The following SGCZ variants were observed in gnomAD, a reference collection of about 807,000 sequenced individuals.
SGCZ encodes the protein zeta-sarcoglycan.
A neutral mutation model predicts 41.3 loss-of-function variants in SGCZ; 40 were observed. The ratio of observed to expected loss-of-function variants is 0.97; its 90% confidence interval spans 0.75 to 1.26. SGCZ has a LOEUF of 1.26. Among genes scored for constraint, SGCZ ranks in the 50% most tolerant of loss-of-function variants. SGCZ has a pLI of 0.00. For missense variants in SGCZ, 552 were observed against 369.8 expected (o/e 1.49, Z -4.04); for synonymous variants, 206 against 137.5 (o/e 1.50, Z -3.49).
chr8:14,681,528 C>G (rs2117541916), intron 1 of SGCZ, among the ~76,000 whole-genome samples: 1 of 152,224 alleles, frequency 6.6e-6, no homozygotes, highest in South Asian at 2.1e-4. Flanking sequence ...GTTACCTTGC[C>G]TGGATCATGT....
chr8:14,572,079 AAGCACTTATT>A (rs1427206274), intron 1 of SGCZ, among the ~76,000 whole-genome samples: 1 of 152,232 alleles, frequency 6.6e-6, no homozygotes, highest in Non-Finnish European at 1.5e-5. Context: ...ATGAATTTAA[AAGCACTTATT>A]CATTAAATTG....
intron 5 of SGCZ, among the ~76,000 whole-genome samples, chr8:14,133,289 C>T (rs1234198302): frequency 6.6e-6 from 1 of 152,210 alleles, no homozygotes; most frequent in Non-Finnish European, 1.5e-5. Flanking sequence ...GCTCCTGATC[C>T]ATTAATGCAT....
At chr8:14,569,751 A>T (rs1340877682) in intron 1 of SGCZ, among the ~76,000 whole-genome samples, 2 of 152,150 alleles carry the variant, frequency 1.3e-5, no homozygotes, top group Non-Finnish European at 2.9e-5. Context: ...TTGAAAACTG[A>T]AGTTTTGAGT....
At chr8:14,258,940 G>C (rs1458575371) in intron 3 of SGCZ, among the ~76,000 whole-genome samples, 2 of 152,266 alleles carry the variant, frequency 1.3e-5, no homozygotes, top group South Asian at 2.1e-4. Flanking sequence ...GGCAAAGGCA[G>C]AGAGCAGGTT....
chr8:15,127,708 T>C (rs1017906478), intron 1 of SGCZ, among the ~76,000 whole-genome samples: 4 of 152,332 alleles, frequency 2.6e-5, no homozygotes, highest in African/African-American at 9.6e-5. Context: ...AATTCATTTA[T>C]AAAAGTCTCC....
At chr8:14,790,685 A>T (rs1288346396) in intron 1 of SGCZ, among the ~76,000 whole-genome samples, 1 of 152,196 alleles carries the variant, frequency 6.6e-6, no homozygotes, top group African/African-American at 2.4e-5. Flanking sequence ...AGAATAATTG[A>T]AAACAAAGAT....
At chr8:14,969,450 G>A (rs769319725) in intron 1 of SGCZ, among the ~76,000 whole-genome samples, 41 of 151,908 alleles carry the variant, frequency 2.7e-4, no homozygotes, top group African/African-American at 2.4e-4. Context: ...AACTACAGCC[G>A]TATCACCACA....
intron 1 of SGCZ, among the ~76,000 whole-genome samples, chr8:14,614,373 C>T (rs1437928574): frequency 6.6e-6 from 1 of 152,072 alleles, no homozygotes; most frequent in Non-Finnish European, 1.5e-5. Flanking sequence ...ACATCTCACC[C>T]TCCCAATACA....
chr8:14,244,069 C>A (rs769719520), intron 3 of SGCZ, among the ~76,000 whole-genome samples: 1 of 152,124 alleles, frequency 6.6e-6, no homozygotes, highest in Non-Finnish European at 1.5e-5. Context: ...AAGATCCAGG[C>A]TACATGGGTT....
At chr8:14,867,044 T>G (rs114161079) in intron 1 of SGCZ, among the ~76,000 whole-genome samples, 3,606 of 152,170 alleles carry the variant, frequency 0.024, 52 homozygotes, top group Middle Eastern at 0.048. Flanking sequence ...ACCAAGGTGT[T>G]TTTTGTTCTC....
At chr8:14,418,182 T>A (rs1251147187) in intron 2 of SGCZ, among the ~76,000 whole-genome samples, 1 of 151,938 alleles carries the variant, frequency 6.6e-6, no homozygotes, top group African/African-American at 2.4e-5. Flanking sequence ...GAAAAGCAGT[T>A]CAACGGGATG....
intron 1 of SGCZ, among the ~76,000 whole-genome samples, chr8:14,750,907 G>A (rs532598529): frequency 6.6e-6 from 1 of 152,122 alleles, no homozygotes; most frequent in African/African-American, 2.4e-5. Context: ...AAAACAGATT[G>A]TGACTAATTG....
intron 1 of SGCZ, among the ~76,000 whole-genome samples, chr8:14,611,900 T>G (rs188160987): frequency 6.6e-6 from 1 of 152,314 alleles, no homozygotes; most frequent in Admixed American, 6.5e-5. Context: ...TTGCAGTACA[T>G]ATGCTATTTG....
At chr8:14,949,303 T>A (rs916782835) in intron 1 of SGCZ, among the ~76,000 whole-genome samples, 1 of 152,120 alleles carries the variant, frequency 6.6e-6, no homozygotes, top group Non-Finnish European at 1.5e-5. Context: ...TAGGGAAAAG[T>A]AGTAATTAGA....
chr8:14,849,251 T>G (rs1216487436), intron 1 of SGCZ, among the ~76,000 whole-genome samples: 1 of 152,108 alleles, frequency 6.6e-6, no homozygotes, highest in Admixed American at 6.6e-5. Context: ...AAATCTTTTT[T>G]AAAAAGAATT....
Position 14,163,888 on chromosome 8 carries a change from C to A in SGCZ, c.547+692G>T, listed in dbSNP as rs532902151. Among the ~76,000 whole-genome samples the A allele has an allele frequency of 6.4e-4, 97 of 152,168 alleles. 1 individual carries two copies. The highest frequency in any genetic ancestry group is 2.2e-3 in the African/African-American group (90 of 41,540). On this transcript the variant is annotated intron_variant, in intron 5 of 7. Transcript: ENST00000382080. ...TTCTTGTTTTTTAAAATGTAGACCT[C>A]CTTGGGTACTTTCAAGGGATTGTTA...
intron 2 of SGCZ, among the ~76,000 whole-genome samples, chr8:14,413,570 A>G (rs1158685547): frequency 6.6e-6 from 1 of 152,056 alleles, no homozygotes; most frequent in Non-Finnish European, 1.5e-5. Context: ...TCTAGAGGTC[A>G]TTATATTACA....
intron 1 of SGCZ, among the ~76,000 whole-genome samples, chr8:15,150,236 T>C (rs921832280): frequency 3.9e-5 from 4 of 101,898 alleles, no homozygotes; most frequent in East Asian, 3.6e-4. Flanking sequence ...CATACCAATA[T>C]GTTTGATAAA....
chr8:14,798,082 C>T (rs1352107842), intron 1 of SGCZ, among the ~76,000 whole-genome samples: 1 of 152,212 alleles, frequency 6.6e-6, no homozygotes, highest in African/African-American at 2.4e-5. Flanking sequence ...CCCACTGGAA[C>T]ACAGCACAAT....
Sources: allele counts gnomAD v4.1 joint callset (sites outside exome capture counted in the v4.1 genomes callset), GRCh38; gene constraint gnomAD v4.1.1; transcripts MANE v1.5; gene names NCBI Gene and HGNC (gene_info 2026-07-23, HGNC 2026-07-21).